Variants in MED27 observed in about 807,000 individuals in gnomAD.
The protein encoded by MED27 is mediator of RNA polymerase II transcription subunit 27.
MED27 carries 30 observed loss-of-function variants against 38.2 expected under a neutral mutation model. The observed-to-expected ratio is 0.79, with a 90% confidence interval of 0.59 to 1.07. The LOEUF is 1.07. Ranked by LOEUF, MED27 falls within the 50% of genes least tolerant of loss-of-function variation. MED27 has a pLI of 0.00. For synonymous variants in MED27, 122 were observed against 153.5 expected, an observed-to-expected ratio of 0.79 and a Z score of 1.52; for missense variants, 289 against 397.5, an observed-to-expected ratio of 0.73 and a Z score of 2.32.
At chr9:131,870,293 G>A (rs1280852146) in intron 6 of MED27, among the ~76,000 whole-genome samples, 1 of 152,180 alleles carries the variant, frequency 6.6e-6, no homozygotes, top group Non-Finnish European at 1.5e-5. Flanking sequence ...CCAGCCTCTG[G>A]ATCTGTCCCT....
intron 4 of MED27, among the ~76,000 whole-genome samples, chr9:131,937,518 G>A (rs1251900798): frequency 6.6e-6 from 1 of 152,170 alleles, no homozygotes; most frequent in Non-Finnish European, 1.5e-5. Flanking sequence ...AAGCAGGCGA[G>A]GTCGACCATC....
intron 3 of MED27, among the ~76,000 whole-genome samples, chr9:131,942,915 T>C (rs1456611874): frequency 6.6e-6 from 1 of 152,174 alleles, no homozygotes; most frequent in Non-Finnish European, 1.5e-5. Flanking sequence ...GATTTTTACC[T>C]GTAAGAAAAG....
chr9:131,877,698 G>A (rs1202122500), intron 6 of MED27, among the ~76,000 whole-genome samples: 4 of 152,210 alleles, frequency 2.6e-5, no homozygotes, highest in African/African-American at 7.2e-5. Context: ...GGAGGGTGAC[G>A]GTTCCAATCC....
At chr9:131,991,930 C>T (rs554644376) in intron 3 of MED27, among the ~76,000 whole-genome samples, 4 of 152,096 alleles carry the variant, frequency 2.6e-5, no homozygotes, top group Non-Finnish European at 5.9e-5. Context: ...ACCACGTTAG[C>T]CAGGATGGTC....
At chr9:131,870,624 C>A (rs904391744) in intron 6 of MED27, among the ~76,000 whole-genome samples, 2 of 152,120 alleles carry the variant, frequency 1.3e-5, no homozygotes, top group South Asian at 2.1e-4. Context: ...CTCATGGGCC[C>A]CCCACTCCAG....
At chr9:132,078,047 C>T (rs1834092398) in intron 1 of MED27, among the ~76,000 whole-genome samples, 1 of 152,160 alleles carries the variant, frequency 6.6e-6, no homozygotes, top group African/African-American at 2.4e-5. Context: ...GTACATGATG[C>T]TTCACAGATG....
chr9:131,872,581 C>T lies in MED27; in HGVS notation c.724-9441G>A, dbSNP rs1430767934. Among the ~76,000 whole-genome samples the T allele has an allele frequency of 1.3e-5, 2 of 151,244 alleles. No homozygotes were observed. Among genetic ancestry groups the T allele is most frequent in the African/African-American group, 4.9e-5 (2 of 40,576 alleles). On this transcript the variant is annotated intron_variant, in intron 6 of 7. Coordinates refer to ENST00000292035, the MANE Select transcript of MED27 (RefSeq NM_004269.4). The surrounding 1 kb of genome is among the most constrained non-coding windows in gnomAD (Gnocchi z 5.6). ...AGACAGAGGGGAACCGTAAGGAGAC[C>T]GGGGTTTGACCCTAGCTTAGTGGCG...
At chr9:131,899,563 A>G (rs1355121688) in intron 4 of MED27, among the ~76,000 whole-genome samples, 1 of 152,110 alleles carries the variant, frequency 6.6e-6, no homozygotes, top group African/African-American at 2.4e-5. Context: ...GGACCTTTTG[A>G]GGAAATTGAA....
intron 3 of MED27, among the ~76,000 whole-genome samples, chr9:131,976,373 C>T (rs1831609009): frequency 6.6e-6 from 1 of 152,176 alleles, no homozygotes; most frequent in Non-Finnish European, 1.5e-5. Context: ...TCTCCATTAT[C>T]CTAATCAGCT....
At position 131,860,523 on chromosome 9, in the gene MED27, G is replaced by A. The variant is rs1589165122; in HGVS notation, c.*15C>T. On this transcript the variant is annotated 3_prime_UTR_variant, in exon 8 of 8. Transcript: ENST00000292035. This position sits in a 1 kb window ranked among gnomAD's most constrained non-coding sequence, Gnocchi z 5.8. ...AGGTGCTGGGTGGGGTCTGAGGCTGGGGCCAGCGTGGGGGCTACTGCCGGC... is the reference window on the plus strand; with the variant it reads ...AGGTGCTGGGTGGGGTCTGAGGCTGAGGCCAGCGTGGGGGCTACTGCCGGC... 1.3e-6 allele frequency: 2 copies of A among 1,503,148 alleles called. No homozygotes were observed. Among genetic ancestry groups the A allele is most frequent in the Middle Eastern group, 2.4e-4 (1 of 4,196 alleles). The allele number at this position is 1,503,148 out of a possible 1,614,324, so 93.1% of individuals were successfully genotyped here.
chr9:131,958,556 G>T (rs1236972444), intron 3 of MED27, among the ~76,000 whole-genome samples: 1 of 152,156 alleles, frequency 6.6e-6, no homozygotes, highest in Non-Finnish European at 1.5e-5. Flanking sequence ...AAATTAAGTG[G>T]TTTTTAATAA....
chr9:131,975,725 A>G (rs1040652014), intron 3 of MED27, among the ~76,000 whole-genome samples: 1 of 152,206 alleles, frequency 6.6e-6, no homozygotes, highest in African/African-American at 2.4e-5. Context: ...GGAGAAACAC[A>G]ATGCATTATG....
chr9:131,991,666 A>G (rs888929710), intron 3 of MED27, among the ~76,000 whole-genome samples: 1 of 152,234 alleles, frequency 6.6e-6, no homozygotes. Context: ...TCGAAGGTTT[A>G]GGAAGGAACT....
intron 3 of MED27, among the ~76,000 whole-genome samples, chr9:132,009,026 C>T (rs1408494037): frequency 2.0e-5 from 3 of 152,222 alleles, no homozygotes; most frequent in African/African-American, 4.8e-5. Context: ...TCCCTCCCCA[C>T]TCTGCCCGTG....
At chr9:131,976,176 G>A (rs114397801) in intron 3 of MED27, among the ~76,000 whole-genome samples, 2,376 of 152,242 alleles carry the variant, frequency 0.016, 64 homozygotes, top group African/African-American at 0.054. Flanking sequence ...GACACCTCGG[G>A]ACTTGCTTAA....
chr9:131,928,910 G>A (rs183880457), intron 4 of MED27, among the ~76,000 whole-genome samples: 25 of 152,324 alleles, frequency 1.6e-4, no homozygotes, highest in Admixed American at 7.8e-4. Context: ...GAGTGCTTGC[G>A]CCACCCTTCC....
intron 4 of MED27, among the ~76,000 whole-genome samples, chr9:131,896,104 T>C (rs972857597): frequency 3.3e-5 from 5 of 152,190 alleles, no homozygotes; most frequent in African/African-American, 1.2e-4. Flanking sequence ...TTTCACCATG[T>C]TGGCCAGGCT....
At chr9:132,060,609 C>T (rs1564344807) in intron 2 of MED27, among the ~76,000 whole-genome samples, 1 of 152,212 alleles carries the variant, frequency 6.6e-6, no homozygotes, top group African/African-American at 2.4e-5. Flanking sequence ...CCACCAAGCA[C>T]ACTGTGTTGC....
chr9:131,948,475 T>A, intron 3 of MED27, among the ~76,000 whole-genome samples: 1 of 143,964 alleles, frequency 6.9e-6, no homozygotes, highest in South Asian at 2.2e-4. Context: ...TGATAGACAC[T>A]CCGTCTCAAA....
Sources: gnomAD v4.1 joint callset for allele counts (sites outside exome capture counted in the v4.1 genomes callset) on GRCh38, gnomAD v4.1.1 for gene constraint, Gnocchi (gnomAD v3.1) non-coding constraint, MANE v1.5 for transcripts, NCBI Gene and HGNC (gene_info 2026-07-23, HGNC 2026-07-21) for gene names.